The following SACM1L variants were observed in gnomAD, a reference collection of about 807,000 sequenced individuals.
SACM1L encodes phosphatidylinositol-3-phosphatase SAC1.
In SACM1L, 32 loss-of-function variants were observed where a neutral mutation model predicts 89.5. The observed-to-expected ratio is 0.36, with a 90% CI of 0.27 to 0.48. SACM1L has a LOEUF of 0.48. Among genes scored for constraint, SACM1L ranks in the 20% least tolerant of loss-of-function variants. The pLI, the probability that SACM1L is intolerant of heterozygous loss-of-function variation, is 0.99. For missense variants in SACM1L, 543 were observed against 708.5 expected (o/e 0.77, Z 2.65); for synonymous variants, 213 against 232.8 (o/e 0.92, Z 0.77).
rs778012705 is a variant in SACM1L, at chr3:45,735,340, G to A, written c.1206G>A (p.Leu402=). Reference sequence around the variant, plus strand: ...ATAGAACCAATGTGATCCAGAGTTTGTTAGCTCGTCGTTCACTTCAGGCCC... The same window carrying A: ...ATAGAACCAATGTGATCCAGAGTTTATTAGCTCGTCGTTCACTTCAGGCCC... ...CLDRTNVIQS[L]LARRSLQAQL... Residue 402 remains leucine, a synonymous_variant, in exon 14 of 20, where the codon TTG becomes TTA. Transcript: ENST00000389061. 3.8e-6 allele frequency: 6 copies of A among 1,586,862 alleles called. No individual in the cohort carries two copies. The highest frequency in any genetic ancestry group is 5.1e-6 in the Non-Finnish European group (6 of 1,170,402).
intron 11 of SACM1L, 37 bp from the exon 12 acceptor site, chr3:45,731,264 A>T (rs761666478): frequency 7.1e-7 from 1 of 1,406,370 alleles, no homozygotes; most frequent in Admixed American, 1.8e-5. Context: ...CTCCTTTGAA[A>T]TAAACTGGAA....
chr3:45,721,101 G>T (rs942519615), intron 8 of SACM1L, among the ~76,000 whole-genome samples: 1 of 152,168 alleles, frequency 6.6e-6, no homozygotes, highest in Non-Finnish European at 1.5e-5. Flanking sequence ...TTCAAACTAG[G>T]TTTTGTGAGC....
intron 1 of SACM1L, among the ~76,000 whole-genome samples, chr3:45,699,341 A>G (rs187515446): frequency 6.7e-6 from 1 of 149,914 alleles, no homozygotes; most frequent in South Asian, 2.1e-4. Context: ...ATAAAAAAAT[A>G]AAAAAATGCT....
Position 45,722,971 on chromosome 3 carries a change from G to T in SACM1L, c.852+16G>T, listed in dbSNP as rs763757491. 1 of 1,592,820 alleles carries T rather than the reference G, an allele frequency of 6.3e-7. No homozygotes were observed. Among genetic ancestry groups the T allele is most frequent in the Admixed American group, 1.7e-5 (1 of 59,460 alleles). On this transcript the variant is annotated intron_variant, in intron 10 of 19. Transcript: ENST00000389061. The stretch of plus-strand genomic sequence containing the variant: ...AGCAAATCACGTGTGTATCTTGCAT[G>T]CCTTTTTTGTTGGTTAAAAATAGAA...
At chr3:45,725,624 A>G (rs2742455) in intron 11 of SACM1L, among the ~76,000 whole-genome samples, 95,480 of 151,592 alleles carry the variant, frequency 0.63, 30,492 homozygotes, top group Non-Finnish European at 0.66. Flanking sequence ...TTTTCTATAT[A>G]TAAGATCGTG....
At chr3:45,691,799 T>G (rs1697998547) in intron 1 of SACM1L, among the ~76,000 whole-genome samples, 1 of 152,132 alleles carries the variant, frequency 6.6e-6, no homozygotes, top group South Asian at 2.1e-4. Context: ...TTTTAAATAA[T>G]AATTCTGTCT....
At chr3:45,731,509 A>G (rs2125702600) in intron 12 of SACM1L, 129 bp downstream of exon 12, 1 of 494,452 alleles carries the variant, frequency 2.0e-6, no homozygotes. Context: ...TCAAAGCATG[A>G]TATTTTGTTG....
chr3:45,724,771 A>G (rs1298188226), intron 11 of SACM1L, among the ~76,000 whole-genome samples: 2 of 152,046 alleles, frequency 1.3e-5, no homozygotes, highest in South Asian at 2.1e-4. Context: ...TAGATCTTAC[A>G]GTTAGGTCTT....
chr3:45,742,372 G>A (rs571664316), intron 19 of SACM1L, among the ~76,000 whole-genome samples: 6 of 152,180 alleles, frequency 3.9e-5, no homozygotes, highest in Non-Finnish European at 5.9e-5. Flanking sequence ...TCCTGCTGTG[G>A]TTTTCAAAGA....
At chr3:45,742,967 C>T in intron 19 of SACM1L, 1 of 152,200 alleles carries the variant, frequency 6.6e-6, no homozygotes, top group East Asian at 1.9e-4. Context: ...AAGACCCCAT[C>T]TCTAAAGAAA....
At chr3:45,741,772 T>C (rs554469318) in intron 19 of SACM1L, among the ~76,000 whole-genome samples, 44 of 152,354 alleles carry the variant, frequency 2.9e-4, no homozygotes, top group African/African-American at 1.0e-3. Flanking sequence ...TTTTTGTCTT[T>C]ATGGATGGCT....
chr3:45,689,870 T>A, intron 1 of SACM1L: 1 of 317,436 alleles, frequency 3.2e-6, no homozygotes, highest in Non-Finnish European at 5.8e-6. Context: ...AGAAAAAGAG[T>A]TTTCTCTTAC....
intron 2 of SACM1L, among the ~76,000 whole-genome samples, chr3:45,703,766 C>T (rs935815256): frequency 2.0e-4 from 30 of 151,868 alleles, no homozygotes; most frequent in African/African-American, 5.8e-4. Context: ...TTTTACTGTC[C>T]GTAAGGATTT....
chr3:45,708,084 T>C (rs541512716), intron 4 of SACM1L, among the ~76,000 whole-genome samples: 23 of 152,172 alleles, frequency 1.5e-4, no homozygotes, highest in Non-Finnish European at 3.1e-4. Flanking sequence ...AATAGAGTTT[T>C]TAATGTTTTG....
chr3:45,691,595 C>CT (rs1217249223), intron 1 of SACM1L, among the ~76,000 whole-genome samples: 1 of 113,396 alleles, frequency 8.8e-6, no homozygotes, highest in Admixed American at 8.8e-5. Flanking sequence ...TGTTGAAATG[C>CT]TTGTTTTTTT....
At position 45,723,078 on chromosome 3, in the gene SACM1L, C is replaced by T. The variant is rs542154124; in HGVS notation, c.852+123C>T. On this transcript the variant is annotated intron_variant, in intron 10 of 19. Transcript: ENST00000389061. ...GTTCAACATCTTTGAGGCTATTCTT[C>T]TTGGTTCCGGCACATAGTAAACCCC... 545 of 840,044 alleles carry T rather than the reference C, an allele frequency of 6.5e-4. 3 individuals carry two copies. The African/African-American group carries it at 8.3e-3, about 13-fold the overall frequency. 52.0% of individuals were successfully genotyped at this position (840,044 alleles called of 1,614,324 possible). A position where few individuals can be genotyped will look rare whatever the true frequency, so the allele number is the denominator to read the frequency against.
intron 18 of SACM1L, among the ~76,000 whole-genome samples, chr3:45,739,333 A>T (rs576616975): frequency 5.6e-4 from 86 of 152,282 alleles, no homozygotes; most frequent in Non-Finnish European, 1.1e-3. Flanking sequence ...TCATCTGGGC[A>T]TCCTCCTTCC....
intron 2 of SACM1L, 94 bp from the exon 3 acceptor site, chr3:45,705,041 T>G (rs1698355471): frequency 9.6e-6 from 7 of 730,860 alleles, no homozygotes; most frequent in Non-Finnish European, 1.7e-5. Context: ...TGCAAATTGA[T>G]GTAGTCAAAG....
intron 1 of SACM1L, among the ~76,000 whole-genome samples, chr3:45,693,284 C>T (rs879562682): frequency 6.6e-6 from 1 of 152,206 alleles, no homozygotes; most frequent in Admixed American, 6.5e-5. Flanking sequence ...AACCAGTTTA[C>T]ACCTTAACAT....
Sources: allele counts gnomAD v4.1 joint callset (sites outside exome capture counted in the v4.1 genomes callset), GRCh38; gene constraint gnomAD v4.1.1; transcripts MANE v1.5; gene names NCBI Gene and HGNC (gene_info 2026-07-23, HGNC 2026-07-21).